The following SLC12A7 variants were observed in gnomAD, a reference collection of about 807,000 sequenced individuals.
SLC12A7 encodes solute carrier family 12 member 7, also known as K-Cl cotransporter 4.
A neutral mutation model predicts 120.6 loss-of-function variants in SLC12A7; 100 were observed. The observed-to-expected ratio is 0.83, with a 90% CI of 0.71 to 0.98. SLC12A7 has a LOEUF of 0.98. Ranked by LOEUF, SLC12A7 falls within the 50% of genes least tolerant of loss-of-function variation. The pLI, the probability that SLC12A7 is intolerant of heterozygous loss-of-function variation, is 0.00. For synonymous variants in SLC12A7, 760 were observed against 678.0 expected (o/e 1.12, Z -1.88); for missense variants, 1,373 against 1,548.1 (o/e 0.89, Z 1.90).
intron 1 of SLC12A7, among the ~76,000 whole-genome samples, chr5:1,096,975 ACCC>A (rs1308440128): frequency 6.6e-6 from 1 of 151,924 alleles, no homozygotes; most frequent in Admixed American, 6.6e-5. Context: ...CACGCAGCCA[ACCC>A]CACAGACAAC....
At chr5:1,087,600 CT>C (rs1270326658) in intron 5 of SLC12A7, among the ~76,000 whole-genome samples, 1 of 152,218 alleles carries the variant, frequency 6.6e-6, no homozygotes, top group Non-Finnish European at 1.5e-5. Context: ...AGGGAGACCC[CT>C]GGTGAAGGCC....
chr5:1,094,042 G>A (rs1055757114), intron 2 of SLC12A7, 112 bp downstream of exon 2: 17 of 766,306 alleles, frequency 2.2e-5, no homozygotes, highest in East Asian at 7.8e-5. Context: ...TTCCTTCCAC[G>A]TGGTGTCCAG....
intron 20 of SLC12A7, chr5:1,062,779 G>T (rs151204188): frequency 1.9e-5 from 3 of 154,268 alleles, no homozygotes; most frequent in African/African-American, 7.2e-5. Context: ...GTGGCTTCCT[G>T]GGGGACAGCG....
the SLC12A7 span, among the ~76,000 whole-genome samples, chr5:1,140,388 G>A: frequency 1.3e-5 from 2 of 152,208 alleles, no homozygotes; most frequent in African/African-American, 2.4e-5. Flanking sequence ...CCTCGGTTCT[G>A]TTCCCCCCCA....
chr5:1,118,313 G>A, the SLC12A7 span, among the ~76,000 whole-genome samples: 1 of 152,230 alleles, frequency 6.6e-6, no homozygotes, highest in Non-Finnish European at 1.5e-5. Flanking sequence ...CAGCAGGCAA[G>A]GTGAACCCAT....
chr5:1,155,429 T>C, the SLC12A7 span, among the ~76,000 whole-genome samples: 1 of 151,276 alleles, frequency 6.6e-6, no homozygotes, highest in Non-Finnish European at 1.5e-5. Flanking sequence ...TGTCGGCCCA[T>C]CCCCGCGGCC....
At chr5:1,105,248 C>T (rs1160576682) in intron 1 of SLC12A7, among the ~76,000 whole-genome samples, 6 of 150,044 alleles carry the variant, frequency 4.0e-5, no homozygotes, top group Non-Finnish European at 8.9e-5. Context: ...CAGTCACCCA[C>T]CAGCCAAAGG....
intron 1 of SLC12A7, among the ~76,000 whole-genome samples, chr5:1,094,618 T>C (rs1740899333): frequency 6.6e-6 from 1 of 152,354 alleles, no homozygotes; most frequent in East Asian, 1.9e-4. Flanking sequence ...GCAAGTGAGC[T>C]GTTCAGCCCA....
chr5:1,094,690 C>T (rs1014047200), intron 1 of SLC12A7, among the ~76,000 whole-genome samples: 1 of 152,234 alleles, frequency 6.6e-6, no homozygotes, highest in African/African-American at 2.4e-5. Context: ...GGGCAAAATT[C>T]TCACTCTTAA....
chr5:1,088,930 T>C (rs1740187675), intron 4 of SLC12A7, 52 bp downstream of exon 4: 1 of 1,607,624 alleles, frequency 6.2e-7, no homozygotes, highest in East Asian at 2.2e-5. Flanking sequence ...AGCCCTACTG[T>C]CCAGCTGCCA....
At position 1,086,914 on chromosome 5, in the gene SLC12A7, C is replaced by T. The variant is rs1172204096; in HGVS notation, c.664G>A (p.Glu222Lys). ...AGCAGCACACTTACCAGAAAAATCT[C>T]GATGGTCCCCAAAATATACATGGCC... ...AGAMYILGTI[E>K]IFLTYISPGA... Residue 222 changes from glutamate to lysine, a missense_variant, in exon 6 of 24, where the codon GAG becomes AAG. Coordinates refer to ENST00000264930, the MANE Select transcript of SLC12A7 (RefSeq NM_006598.3). 1.2e-6 allele frequency: 2 copies of T among 1,612,540 alleles called. No homozygotes were observed. The highest frequency in any genetic ancestry group is 1.7e-6 in the Non-Finnish European group (2 of 1,179,812).
At chr5:1,125,214 A>G in the SLC12A7 span, among the ~76,000 whole-genome samples, 2 of 152,004 alleles carry the variant, frequency 1.3e-5, no homozygotes, top group Non-Finnish European at 2.9e-5. Context: ...ACATGGAGAA[A>G]CCCACGTGCT....
At chr5:1,113,849 T>C (rs1044248170), upstream of SLC12A7, among the ~76,000 whole-genome samples, 10 of 152,188 alleles carry the variant, frequency 6.6e-5, no homozygotes, top group Admixed American at 4.6e-4. Flanking sequence ...CAGGGGCTTC[T>C]GTACATTCAA....
intron 1 of SLC12A7, among the ~76,000 whole-genome samples, chr5:1,105,619 G>C (rs979993592): frequency 2.0e-5 from 3 of 152,246 alleles, no homozygotes; most frequent in Admixed American, 6.5e-5. Context: ...TGAAGCCAGA[G>C]GTTTATCTGC....
intron 5 of SLC12A7, 54 bp downstream of exon 5, chr5:1,088,252 A>G: frequency 1.9e-6 from 3 of 1,546,514 alleles, no homozygotes; most frequent in Non-Finnish European, 1.8e-6. Flanking sequence ...CCGTGCGGCA[A>G]AACACAGACT....
At chr5:1,105,379 TC>T (rs1453806171) in intron 1 of SLC12A7, among the ~76,000 whole-genome samples, 2 of 145,334 alleles carry the variant, frequency 1.4e-5, no homozygotes, top group Admixed American at 6.8e-5. Context: ...AGGGATGAGG[TC>T]CTGCAGTCGC....
chr5:1,100,101 G>A (rs576182720), intron 1 of SLC12A7, among the ~76,000 whole-genome samples: 6 of 152,212 alleles, frequency 3.9e-5, no homozygotes, highest in Non-Finnish European at 8.8e-5. Context: ...ACACGCCTCG[G>A]AAGAGAAGAG....
chr5:1,131,219 G>T, the SLC12A7 span, among the ~76,000 whole-genome samples: 4 of 152,300 alleles, frequency 2.6e-5, no homozygotes, highest in South Asian at 8.3e-4. Context: ...ACGGGGACTT[G>T]CAGGGGCCCA....
chr5:1,066,365 T>C (rs910067832), intron 17 of SLC12A7, among the ~76,000 whole-genome samples: 1 of 152,140 alleles, frequency 6.6e-6, no homozygotes, highest in Non-Finnish European at 1.5e-5. Flanking sequence ...AGGATGAGAT[T>C]TGGGAGCTCC....
Sources: gnomAD v4.1 joint callset for allele counts (sites outside exome capture counted in the v4.1 genomes callset) on GRCh38, gnomAD v4.1.1 for gene constraint, MANE v1.5 for transcripts, NCBI Gene and HGNC (gene_info 2026-07-23, HGNC 2026-07-21) for gene names.